Variants in FBXL7 observed in about 807,000 individuals in gnomAD.
FBXL7 encodes the protein F-box and leucine rich repeat protein 7.
FBXL7 carries 12 observed loss-of-function variants against 38.3 expected under a neutral mutation model. The ratio of observed to expected loss-of-function variants is 0.31; its 90% confidence interval spans 0.20 to 0.51. The LOEUF (loss-of-function observed/expected upper bound fraction) is 0.51. FBXL7 is among the 20% of genes least tolerant of loss of function. The pLI is 0.98. For synonymous variants in FBXL7, 297 were observed against 300.9 expected (o/e 0.99, Z 0.13); for missense variants, 567 against 676.4 (o/e 0.84, Z 1.79).
At chr5:15,692,119 G>T (rs1743201087) in intron 2 of FBXL7, among the ~76,000 whole-genome samples, 1 of 152,148 alleles carries the variant, frequency 6.6e-6, no homozygotes, top group Non-Finnish European at 1.5e-5. Flanking sequence ...AGAGTAGGCT[G>T]CCTCGATTGG....
At chr5:15,833,851 T>G (rs921297546) in intron 2 of FBXL7, among the ~76,000 whole-genome samples, 3 of 152,176 alleles carry the variant, frequency 2.0e-5, no homozygotes, top group African/African-American at 7.2e-5. Flanking sequence ...TTCTAAAATT[T>G]TCGTGATGAT....
intron 1 of FBXL7, among the ~76,000 whole-genome samples, chr5:15,547,806 T>A (rs1737957966): frequency 6.6e-6 from 1 of 152,212 alleles, no homozygotes; most frequent in Non-Finnish European, 1.5e-5. Context: ...CAGCACATCC[T>A]ACAGTTATTC....
chr5:15,567,363 A>T (rs1372338412), intron 1 of FBXL7, among the ~76,000 whole-genome samples: 2 of 152,142 alleles, frequency 1.3e-5, no homozygotes, highest in Admixed American at 6.6e-5. Context: ...CAATATAAAA[A>T]GATATTTGTT....
chr5:15,597,495 TA>T (rs35742221), intron 1 of FBXL7, among the ~76,000 whole-genome samples: 30,092 of 114,900 alleles, frequency 0.26, 3,270 homozygotes, highest in Middle Eastern at 0.29. Context: ...TATCATTTTG[TA>T]AAAAAAAAAA....
intron 2 of FBXL7, among the ~76,000 whole-genome samples, chr5:15,844,794 T>C (rs147673577): frequency 6.6e-6 from 1 of 151,852 alleles, no homozygotes; most frequent in African/African-American, 2.4e-5. Flanking sequence ...AGGGAACCCA[T>C]GCTTCCACAG....
chr5:15,543,871 C>A (rs1324449103), intron 1 of FBXL7, among the ~76,000 whole-genome samples: 3 of 152,124 alleles, frequency 2.0e-5, no homozygotes, highest in African/African-American at 7.2e-5. Context: ...CCTGTTCTGC[C>A]AAATTTGCAT....
At chr5:15,691,451 T>G (rs1373685605) in intron 2 of FBXL7, among the ~76,000 whole-genome samples, 1 of 152,192 alleles carries the variant, frequency 6.6e-6, no homozygotes, top group East Asian at 1.9e-4. Flanking sequence ...CCTGCCGTCA[T>G]TTGGCTCTTT....
intron 2 of FBXL7, among the ~76,000 whole-genome samples, chr5:15,911,532 A>G (rs372268175): frequency 2.4e-5 from 3 of 126,868 alleles, no homozygotes; most frequent in African/African-American, 8.4e-5. Context: ...GCTCGTCAAA[A>G]TCATTCTCCA....
chr5:15,802,057 C>A (rs1737584177), intron 2 of FBXL7, among the ~76,000 whole-genome samples: 1 of 152,070 alleles, frequency 6.6e-6, no homozygotes, highest in Non-Finnish European at 1.5e-5. Flanking sequence ...GTTAGGCATC[C>A]CCAATTCTCA....
chr5:15,875,874 C>T (rs1214404518), intron 2 of FBXL7, among the ~76,000 whole-genome samples: 4 of 152,116 alleles, frequency 2.6e-5, no homozygotes, highest in African/African-American at 7.2e-5. Context: ...ACTAGAAATA[C>T]CATTTGACCC....
intron 2 of FBXL7, among the ~76,000 whole-genome samples, chr5:15,760,939 GAA>G (rs573442571): frequency 7.1e-6 from 1 of 141,382 alleles, no homozygotes; most frequent in Non-Finnish European, 1.6e-5. Flanking sequence ...GAATGAGACA[GAA>G]AAAAAAAAAG....
intron 2 of FBXL7, among the ~76,000 whole-genome samples, chr5:15,718,369 T>G (rs1444656451): frequency 6.6e-6 from 1 of 152,202 alleles, no homozygotes; most frequent in African/African-American, 2.4e-5. Context: ...TTAGTCAAAA[T>G]TCAGCTAAAC....
intron 2 of FBXL7, among the ~76,000 whole-genome samples, chr5:15,718,441 G>T (rs1438200079): frequency 6.6e-6 from 1 of 152,140 alleles, no homozygotes; most frequent in Non-Finnish European, 1.5e-5. Context: ...TATAAGATTT[G>T]GGTATCTTAG....
intron 2 of FBXL7, among the ~76,000 whole-genome samples, chr5:15,648,321 T>G (rs1257440905): frequency 1.3e-5 from 2 of 152,200 alleles, no homozygotes; most frequent in African/African-American, 4.8e-5. Flanking sequence ...CTACACCTGC[T>G]TTGTCATTGA....
chr5:15,648,607 T>G (rs1324221952), intron 2 of FBXL7, among the ~76,000 whole-genome samples: 2 of 152,236 alleles, frequency 1.3e-5, no homozygotes, highest in Non-Finnish European at 2.9e-5. Flanking sequence ...GGCTTCAACC[T>G]GGCCAATTGA....
rs545628128 is a variant in FBXL7 at position 15,705,862 on chromosome 5, A to AT, written c.127+89797dup. Reference sequence around the variant, plus strand: ...TTTAAACAAATAAATAAATAAATAAATTTTTTTAACAATAAATAAATGTTT... The same window carrying AT: ...TTTAAACAAATAAATAAATAAATAAATTTTTTTTAACAATAAATAAATGTTT... On this transcript the variant is annotated intron_variant, in intron 2 of 3. Coordinates refer to ENST00000504595, the MANE Select transcript of FBXL7 (RefSeq NM_012304.5). 1.1e-3 allele frequency among the ~76,000 whole-genome samples: 166 copies of AT among 152,192 alleles called. 1 individual carries two copies. The highest frequency in any genetic ancestry group is 2.6e-3 in the Admixed American group (40 of 15,290).
intron 2 of FBXL7, among the ~76,000 whole-genome samples, chr5:15,856,556 TAAAA>T (rs535018726): frequency 6.8e-6 from 1 of 147,014 alleles, no homozygotes; most frequent in South Asian, 2.2e-4. Context: ...AAAGTAAAAT[TAAAA>T]AAAAAACTAG....
chr5:15,513,291 A>G (rs965045831), intron 1 of FBXL7, among the ~76,000 whole-genome samples: 5 of 152,204 alleles, frequency 3.3e-5, no homozygotes, highest in Admixed American at 2.6e-4. Flanking sequence ...TAAGAAATAC[A>G]GTATCTTTCT....
chr5:15,801,679 T>TTG (rs765733185), intron 2 of FBXL7, among the ~76,000 whole-genome samples: 2,009 of 141,250 alleles, frequency 0.014, 43 homozygotes, highest in African/African-American at 0.05. Context: ...GTGTGTGTGT[T>TTG]TGTGTGTGTG....
Sources: allele counts gnomAD v4.1 joint callset (sites outside exome capture counted in the v4.1 genomes callset), GRCh38; gene constraint gnomAD v4.1.1; transcripts MANE v1.5; gene names NCBI Gene and HGNC (gene_info 2026-07-23, HGNC 2026-07-21).